Variants in SHANK1 observed in about 807,000 individuals in gnomAD.
SHANK1 encodes SH3 and multiple ankyrin repeat domains protein 1.
SHANK1 carries 35 observed loss-of-function variants against 165.6 expected under a neutral mutation model. The observed-to-expected ratio is 0.21, with a 90% confidence interval of 0.16 to 0.28. SHANK1 has a LOEUF of 0.28. SHANK1 is among the 10% of genes least tolerant of loss of function. The probability of loss-of-function intolerance (pLI) is 1.00; values close to 1 mark genes in which losing one functional copy is unlikely to be tolerated. For missense variants in SHANK1, 2,681 were observed against 3,036.4 expected, an observed-to-expected ratio of 0.88 and a Z score of 2.75; for synonymous variants, 1,428 against 1,384.8, an observed-to-expected ratio of 1.03 and a Z score of -0.69.
At position 50,662,529 on chromosome 19, in the gene SHANK1, G is replaced by A; in HGVS notation, c.5922C>T (p.Ser1974=). 1.9e-6 allele frequency: 3 copies of A among 1,559,376 alleles called. No homozygotes were observed. The highest frequency in any genetic ancestry group is 2.6e-6 in the Non-Finnish European group (3 of 1,151,458). Residue 1974 remains serine, a synonymous_variant, in exon 24 of 24, where the codon TCC becomes TCT. Transcript: ENST00000293441. The surrounding 1 kb of genome is among the most constrained non-coding windows in gnomAD (Gnocchi z 7.7). ...AAPGATSPSA[S]SSSTSTRHLQ... ...GGTGGCGGGTGGACGTGGAGGAGGA[G>A]GAGGCTGAGGGTGAGGTGGCCCCTG...
Position 50,718,508 on chromosome 19 carries a change from C to A in SHANK1, c.-44+898G>T, listed in dbSNP as rs1442339832. ...CCCCGGGCCGGCTCCGGCCCCTCCCCCTCAGGGCTCGCGGGAGGGAGCGGG... is the reference window on the plus strand; with the variant it reads ...CCCCGGGCCGGCTCCGGCCCCTCCCACTCAGGGCTCGCGGGAGGGAGCGGG... On this transcript the variant is annotated intron_variant, in intron 1 of 23. Coordinates refer to ENST00000293441, the MANE Select transcript of SHANK1 (RefSeq NM_016148.5). The surrounding 1 kb of genome is among the most constrained non-coding windows in gnomAD (Gnocchi z 5.1). Among the ~76,000 whole-genome samples the A allele has an allele frequency of 6.6e-6, 1 of 152,200 alleles. No individual in the cohort carries two copies. The highest frequency in any genetic ancestry group is 1.5e-5 in the Non-Finnish European group (1 of 68,022).
rs772149561 is a variant in SHANK1, at chr19:50,716,797, C to A, written c.123G>T (p.Arg41=). 2 of 1,595,022 alleles carry A rather than the reference C, an allele frequency of 1.3e-6. No homozygotes were observed. The highest frequency in any genetic ancestry group is 2.2e-5 in the South Asian group (2 of 89,104). The change falls in exon 2 of 24, where the codon CGG becomes CGT. Residue 41 remains arginine, a synonymous_variant. Transcript: ENST00000293441. This position sits in a 1 kb window ranked among gnomAD's most constrained non-coding sequence, Gnocchi z 8.4. ...DGPGRGPRGT[R]GQGSGAPGSL... ...TACCAGGTGCCCCACTGCCCTGGCC[C>A]CGGGTCCCCCGGGGGCCTCGACCTG... is the stretch of plus-strand genomic sequence containing the variant.
chr19:50,667,741 G>A lies in SHANK1; in HGVS notation c.4219C>T (p.Leu1407Phe). Reference sequence around the variant, plus strand: ...GGGTCCGGCGGGGAGGCCCCCCAGAGACGCAGCACTGGCTCGTGGTGGGCG... The same window carrying A: ...GGGTCCGGCGGGGAGGCCCCCCAGAAACGCAGCACTGGCTCGTGGTGGGCG... ...PHAHHEPVLR[L>F]WGASPPDPAR... is the part of the protein sequence containing the mutation. The change falls in exon 23 of 24, where the codon CTC becomes TTC. Residue 1407 changes from leucine to phenylalanine, a missense_variant. Leu to Phe is a conservative substitution (Grantham distance 22). Around this residue, in one of 10 missense-constraint regions of SHANK1, gnomAD observed 1,713 missense variants for 1,630.2 expected, o/e 1.05. Coordinates refer to ENST00000293441, the MANE Select transcript of SHANK1 (RefSeq NM_016148.5). The surrounding 1 kb of genome is among the most constrained non-coding windows in gnomAD (Gnocchi z 5.7). 1 of 1,308,874 alleles carries A rather than the reference G, an allele frequency of 7.6e-7. No individual in the cohort carries two copies. Among genetic ancestry groups the A allele is most frequent in the Non-Finnish European group, 9.7e-7 (1 of 1,034,758 alleles). The allele number at this position is 1,308,874 out of a possible 1,614,324, so 81.1% of individuals were successfully genotyped here.
intron 15 of SHANK1, among the ~76,000 whole-genome samples, chr19:50,695,586 G>A (rs917582304): frequency 2.0e-5 from 3 of 151,920 alleles, no homozygotes; most frequent in African/African-American, 7.3e-5. Flanking sequence ...GCGGGGAGAG[G>A]GAGGCACAAC....
In SHANK1 at chr19:50,662,060, C is replaced by T. The variant is rs757609780; in HGVS notation, c.6391G>A (p.Ala2131Thr). Residue 2131 changes from alanine (A) to threonine (T), a missense_variant, in exon 24 of 24, where the codon GCC (alanine) becomes ACC (threonine). Physicochemically the swap from Ala to Thr is moderately conservative, Grantham distance 58. Coordinates refer to ENST00000293441, the MANE Select transcript of SHANK1 (RefSeq NM_016148.5). The surrounding 1 kb of genome is among the most constrained non-coding windows in gnomAD (Gnocchi z 7.7). ...TCGACGTAGTCCTCCTTGGTCAAGG[C>T]GGGCAGGTGGGAGCCATCGATCTCG... ...DHEIDGSHLP[A>T]LTKEDYVDLG... 8.1e-6 allele frequency: 13 copies of T among 1,614,178 alleles called. No individual in the cohort carries two copies. Among genetic ancestry groups the T allele is most frequent in the South Asian group, 1.1e-5 (1 of 91,078 alleles).
rs942428865 is a variant in SHANK1, at chr19:50,666,138, A to G, written c.5768+54T>C. The G allele has an allele frequency of 3.4e-6, 5 of 1,480,110 alleles. No homozygotes were observed. The African/African-American group carries it at 7.0e-5, about 21-fold the overall frequency. 91.7% of individuals were successfully genotyped at this position (1,480,110 alleles called of 1,614,324 possible). A position where few individuals can be genotyped will look rare whatever the true frequency, so the allele number is the denominator to read the frequency against. ...CCACCCTGAGACCCTAAAGGGACAC[A>G]GCCATGCCATCAACACCTCTGGCCT... On this transcript the variant is annotated intron_variant, in intron 23 of 23. Coordinates refer to ENST00000293441, the MANE Select transcript of SHANK1 (RefSeq NM_016148.5).
At position 50,718,024 on chromosome 19, in the gene SHANK1, T is replaced by G. The variant is rs1055203817; in HGVS notation, c.-43-1062A>C. ...CCCCAGCACCGGAAACCAGAATGTC[T>G]GGTCTGGTCCCTCCCCCCAACACCA... is the stretch of plus-strand genomic sequence containing the variant. On this transcript the variant is annotated intron_variant, in intron 1 of 23. Coordinates refer to ENST00000293441, the MANE Select transcript of SHANK1 (RefSeq NM_016148.5). The surrounding 1 kb of genome is among the most constrained non-coding windows in gnomAD (Gnocchi z 5.1). Among the ~76,000 whole-genome samples the G allele has an allele frequency of 6.6e-6, 1 of 152,132 alleles. No individual in the cohort carries two copies. The highest frequency in any genetic ancestry group is 2.4e-5 in the African/African-American group (1 of 41,418).
At position 50,716,874 on chromosome 19, in the gene SHANK1, C is replaced by A; in HGVS notation, c.46G>T (p.Ala16Ser). Residue 16 changes from alanine (A) to serine (S), a missense_variant, in exon 2 of 24, where the codon GCC (alanine) becomes TCC (serine). Ala to Ser is a moderately conservative substitution (Grantham distance 99). This residue lies in a region of SHANK1 where 118 missense variants were observed against 106.9 expected (regional missense o/e 1.10). Transcript: ENST00000293441. The surrounding 1 kb of genome is among the most constrained non-coding windows in gnomAD (Gnocchi z 8.4). Reference sequence around the variant, plus strand: ...GAGCCCCCCTCGGGACACTCGCTGGCACTGTGGCGTTCCTCGTCCTCGCTT... The same window carrying A: ...GAGCCCCCCTCGGGACACTCGCTGGAACTGTGGCGTTCCTCGTCCTCGCTT... ...ATSEDEERHS[A>S]SECPEGGSES... 6.7e-7 allele frequency: 1 copy of A among 1,494,220 alleles called. No individual in the cohort carries two copies. Among genetic ancestry groups the A allele is most frequent in the Non-Finnish European group, 8.9e-7 (1 of 1,121,932 alleles). 92.6% of individuals were successfully genotyped at this position (1,494,220 alleles called of 1,614,324 possible).
rs891506916 is a variant in SHANK1 at position 50,662,607 on chromosome 19, A to C, written c.5844T>G (p.Pro1948=). ...SSLFQNWPKP[P]LPPLPTGTGV... is the part of the protein sequence containing the mutation. ...CTGTTCCGGTGGGGAGTGGCGGCAG[A>C]GGTGGTTTGGGCCAGTTCTGAAACA... The change falls in exon 24 of 24, where the codon CCT becomes CCG. Residue 1948 remains proline (P), a synonymous_variant. Coordinates refer to ENST00000293441, the MANE Select transcript of SHANK1 (RefSeq NM_016148.5). This position sits in a 1 kb window ranked among gnomAD's most constrained non-coding sequence, Gnocchi z 7.7. 1.3e-6 allele frequency: 2 copies of C among 1,562,772 alleles called. No homozygotes were observed. Among genetic ancestry groups the C allele is most frequent in the Non-Finnish European group, 1.7e-6 (2 of 1,154,256 alleles).
rs10423744 is a variant in SHANK1 at position 50,716,903 on chromosome 19, G to A, written c.17C>T (p.Ala6Val). Reference protein sequence around the residue: MTHSPATSEDEERHSA... With the variant: MTHSPVTSEDEERHSA... ...GTGGCGTTCCTCGTCCTCGCTTGTC[G>A]CGGGGCTGTGGGTCATTGTGGGGCC... Residue 6 changes from alanine to valine, a missense_variant, in exon 2 of 24, where the codon GCG (alanine) becomes GTG (valine). By Grantham distance (64) the Ala-to-Val change is moderately conservative (BLOSUM62 0). Coordinates refer to ENST00000293441, the MANE Select transcript of SHANK1 (RefSeq NM_016148.5). The surrounding 1 kb of genome is among the most constrained non-coding windows in gnomAD (Gnocchi z 8.4). 1.0e-5 allele frequency: 15 copies of A among 1,448,078 alleles called. No homozygotes were observed. In the South Asian group the frequency reaches 1.3e-4, roughly 13 times the overall value. 89.7% of individuals were successfully genotyped at this position (1,448,078 alleles called of 1,614,324 possible).
rs761373643 is a variant in SHANK1, at chr19:50,686,214, C to T, written c.2577+23G>A. On this transcript the variant is annotated intron_variant, in intron 21 of 23. Transcript: ENST00000293441. The surrounding 1 kb of genome is among the most constrained non-coding windows in gnomAD (Gnocchi z 5.7). ...GTGAACCGCCTCCCCCCTGGCAGTT[C>T]CTCCCCACACCAGGCCGCCTACCTC... The T allele has an allele frequency of 1.2e-5, 18 of 1,449,762 alleles. No homozygotes were observed. The highest frequency in any genetic ancestry group is 1.7e-5 in the Non-Finnish European group (18 of 1,056,222). The allele number at this position is 1,449,762 out of a possible 1,614,324, so 89.8% of individuals were successfully genotyped here.
intron 8 of SHANK1, among the ~76,000 whole-genome samples, chr19:50,706,429 A>T (rs921204422): frequency 3.3e-5 from 5 of 152,032 alleles, no homozygotes; most frequent in Non-Finnish European, 7.4e-5. Context: ...CACAAAGTCC[A>T]TGCCACGGCC....
At chr19:50,666,051 T>A in intron 23 of SHANK1, 141 bp downstream of exon 23, 2 of 723,360 alleles carry the variant, frequency 2.8e-6, no homozygotes, top group South Asian at 2.5e-5. Context: ...AAAGAAAATA[T>A]TTGTGAAAGC....
Position 50,667,729 on chromosome 19 carries a change from A to G in SHANK1, c.4231T>C (p.Ser1411Pro), listed in dbSNP as rs1599840519. ...HEPVLRLWGA[S>P]PPDPARRELG... Reference sequence around the variant, plus strand: ...TCCCGGCGCGCAGGGTCCGGCGGGGAGGCCCCCCAGAGACGCAGCACTGGC... The same window carrying G: ...TCCCGGCGCGCAGGGTCCGGCGGGGGGGCCCCCCAGAGACGCAGCACTGGC... The change falls in exon 23 of 24, where the codon TCC becomes CCC. Residue 1411 changes from serine to proline, a missense_variant. Transcript: ENST00000293441. This position sits in a 1 kb window ranked among gnomAD's most constrained non-coding sequence, Gnocchi z 5.7. 1 of 1,264,678 alleles carries G rather than the reference A, an allele frequency of 7.9e-7. No homozygotes were observed. Among genetic ancestry groups the G allele is most frequent in the Middle Eastern group, 2.9e-4 (1 of 3,450 alleles). The allele number at this position is 1,264,678 out of a possible 1,614,324, so 78.3% of individuals were successfully genotyped here. A position where few individuals can be genotyped will look rare whatever the true frequency, so the allele number is the denominator to read the frequency against.
rs1178878612 is a variant in SHANK1 at position 50,687,651 on chromosome 19, C to T, written c.2320G>A (p.Ala774Thr). 2 of 1,499,288 alleles carry T rather than the reference C, an allele frequency of 1.3e-6. No individual in the cohort carries two copies. Among genetic ancestry groups the T allele is most frequent in the South Asian group, 1.4e-5 (1 of 73,766 alleles). The allele number at this position is 1,499,288 out of a possible 1,614,324, so 92.9% of individuals were successfully genotyped here. The stretch of plus-strand genomic sequence containing the variant: ...ATGGTTGGGGGCGGCAGCCGCTTGG[C>T]CTGCTGGGGTGCTGAAAAGGTGATG... Reference protein sequence around the residue: ...EAVHKKAPQQAKRLPPPTISL... With the variant: ...EAVHKKAPQQTKRLPPPTISL... Residue 774 changes from alanine (A) to threonine (T), a missense_variant, in exon 19 of 24, where the codon GCC (alanine) becomes ACC (threonine). Physicochemically the swap from Ala to Thr is moderately conservative, Grantham distance 58. This residue lies in a region of SHANK1 where 206 missense variants were observed against 216.0 expected (regional missense o/e 0.95). Transcript: ENST00000293441.
chr19:50,664,995 G>A (rs1381116028), intron 23 of SHANK1, among the ~76,000 whole-genome samples: 1 of 152,132 alleles, frequency 6.6e-6, no homozygotes, highest in Non-Finnish European at 1.5e-5. Context: ...CTGACCTCAT[G>A]ATCCACCCGC....
chr19:50,717,027 T>C lies in SHANK1; in HGVS notation c.-43-65A>G, dbSNP rs1333926700. 3 of 1,307,650 alleles carry C rather than the reference T, an allele frequency of 2.3e-6. No homozygotes were observed. Among genetic ancestry groups the C allele is most frequent in the Non-Finnish European group, 3.0e-6 (3 of 1,014,652 alleles). 81.0% of individuals were successfully genotyped at this position (1,307,650 alleles called of 1,614,324 possible). A position where few individuals can be genotyped will look rare whatever the true frequency, so the allele number is the denominator to read the frequency against. ...GACCCCTCAGAGGCCGCAGGCGCTATTCGGTGGTCAAGCGGTCAAGGGCAG... is the reference window on the plus strand; with the variant it reads ...GACCCCTCAGAGGCCGCAGGCGCTACTCGGTGGTCAAGCGGTCAAGGGCAG... On this transcript the variant is annotated intron_variant, in intron 1 of 23. Transcript: ENST00000293441. This position sits in a 1 kb window ranked among gnomAD's most constrained non-coding sequence, Gnocchi z 5.5.
rs1272688903 is a variant in SHANK1, at chr19:50,713,682, T to G, written c.792+116A>C. 82 of 1,340,288 alleles carry G rather than the reference T, an allele frequency of 6.1e-5. No individual in the cohort carries two copies. The East Asian group carries it at 1.5e-3, about 24-fold the overall frequency. 83.0% of individuals were successfully genotyped at this position (1,340,288 alleles called of 1,614,324 possible). A position where few individuals can be genotyped will look rare whatever the true frequency, so the allele number is the denominator to read the frequency against. On this transcript the variant is annotated intron_variant, in intron 6 of 23. Coordinates refer to ENST00000293441, the MANE Select transcript of SHANK1 (RefSeq NM_016148.5). The surrounding 1 kb of genome is among the most constrained non-coding windows in gnomAD (Gnocchi z 6.2). ...CAGTCTATGGAAAGGGGCTTTGAAC[T>G]GGGGACATGAGAGGGCCTATTTTTA...
chr19:50,708,051 A>C (rs2088966891), intron 8 of SHANK1, among the ~76,000 whole-genome samples: 1 of 151,548 alleles, frequency 6.6e-6, no homozygotes. Flanking sequence ...GAGTTCAGGC[A>C]ATTCTCTGCC....
Sources: allele counts gnomAD v4.1 joint callset (sites outside exome capture counted in the v4.1 genomes callset), GRCh38; gene constraint gnomAD v4.1.1; regional missense constraint gnomAD v4.1.1; non-coding constraint Gnocchi (gnomAD v3.1); transcripts MANE v1.5; gene names NCBI Gene and HGNC (gene_info 2026-07-23, HGNC 2026-07-21).